STPG2: variants seen among roughly 807,000 people sequenced by gnomAD.
STPG2 encodes sperm tail PG-rich repeat containing 2.
Under a neutral mutation model 54.2 loss-of-function variants are expected in STPG2, and 56 were observed. That is an observed-to-expected ratio of 1.03 (90% CI 0.83 to 1.29). STPG2 has a LOEUF of 1.29. STPG2 is among the 50% of genes most tolerant of loss of function. The pLI, the probability that STPG2 is intolerant of heterozygous loss-of-function variation, is 0.00. For synonymous variants in STPG2, 200 were observed against 181.8 expected (o/e 1.10, Z -0.81); for missense variants, 596 against 544.9 (o/e 1.09, Z -0.93).
At chr4:97,799,854 C>G (rs1453276965) in intron 9 of STPG2, among the ~76,000 whole-genome samples, 3 of 152,198 alleles carry the variant, frequency 2.0e-5, no homozygotes, top group Admixed American at 2.0e-4. Flanking sequence ...TCACATAGTC[C>G]CATATTTCTT....
intron 10 of STPG2, among the ~76,000 whole-genome samples, chr4:97,642,808 T>G (rs916024587): frequency 2.6e-5 from 4 of 151,380 alleles, no homozygotes; most frequent in Non-Finnish European, 4.4e-5. Context: ...TCTTACACGT[T>G]TATATGTTAG....
chr4:97,904,303 A>G (rs1268217058), intron 8 of STPG2, among the ~76,000 whole-genome samples: 1 of 152,158 alleles, frequency 6.6e-6, no homozygotes, highest in Non-Finnish European at 1.5e-5. Context: ...CTGACCCCCG[A>G]GCAGCCTAAC....
At chr4:97,759,308 A>G (rs1725821465) in intron 9 of STPG2, among the ~76,000 whole-genome samples, 1 of 149,850 alleles carries the variant, frequency 6.7e-6, no homozygotes, top group African/African-American at 2.4e-5. Context: ...CAGGGCTCAG[A>G]AAAAAAAATA....
At chr4:98,096,957 T>A (rs1193230921) in intron 5 of STPG2, among the ~76,000 whole-genome samples, 1 of 151,968 alleles carries the variant, frequency 6.6e-6, no homozygotes, top group Non-Finnish European at 1.5e-5. Context: ...ACAGAACAAG[T>A]AATAAGATCA....
intron 4 of STPG2, among the ~76,000 whole-genome samples, chr4:97,500,009 A>G (rs1358432643): frequency 2.0e-5 from 3 of 152,056 alleles, no homozygotes; most frequent in Non-Finnish European, 4.4e-5. Context: ...TTTCAAACAC[A>G]GGATACTCTT....
intron 10 of STPG2, among the ~76,000 whole-genome samples, chr4:97,597,422 T>A (rs961850738): frequency 2.6e-5 from 4 of 152,054 alleles, no homozygotes; most frequent in African/African-American, 9.7e-5. Context: ...GCCAGCATCA[T>A]CCTGATACCA....
intron 3 of STPG2, among the ~76,000 whole-genome samples, chr4:98,113,895 T>C (rs1431954982): frequency 6.6e-6 from 1 of 151,892 alleles, no homozygotes. Flanking sequence ...TCCAAAGGCA[T>C]TGGGTTTGGT....
chr4:97,443,660 C>G lies in STPG2; in HGVS notation c.463-255827G>C, dbSNP rs149461272. ...TGTGAAACTCAGTTCTGGACAGGCA[C>G]AATCCCACACTGGAAAAGTAGGTCT... is the stretch of plus-strand genomic sequence containing the variant. On this transcript the variant is annotated intron_variant, in intron 4 of 4. Coordinates refer to the STPG2 transcript ENST00000522676. 4.2e-3 allele frequency among the ~76,000 whole-genome samples: 641 copies of G among 152,164 alleles called. 3 individuals carry two copies. The highest frequency in any genetic ancestry group is 0.02 in the South Asian group (98 of 4,828).
intron 9 of STPG2, among the ~76,000 whole-genome samples, chr4:97,732,105 G>C (rs1228063618): frequency 6.6e-6 from 1 of 152,166 alleles, no homozygotes; most frequent in Non-Finnish European, 1.5e-5. Context: ...CCTGCAGTTA[G>C]TAGGGGCCAG....
intron 4 of STPG2, among the ~76,000 whole-genome samples, chr4:97,487,858 G>A (rs1447508136): frequency 6.6e-6 from 1 of 151,242 alleles, no homozygotes; most frequent in African/African-American, 2.4e-5. Context: ...CAATTTATAG[G>A]AAAGTTTTTT....
chr4:98,047,213 T>C (rs1330961500), intron 5 of STPG2, among the ~76,000 whole-genome samples: 4 of 152,182 alleles, frequency 2.6e-5, no homozygotes, highest in Non-Finnish European at 4.4e-5. Flanking sequence ...GTGATTCAAG[T>C]AGCCAGCCCC....
At chr4:97,798,292 T>A (rs1419196438) in intron 9 of STPG2, among the ~76,000 whole-genome samples, 1 of 152,214 alleles carries the variant, frequency 6.6e-6, no homozygotes, top group Non-Finnish European at 1.5e-5. Context: ...CAATTTTAGA[T>A]CTTTCCTACT....
chr4:98,060,350 CA>C (rs1199160422), intron 5 of STPG2, among the ~76,000 whole-genome samples: 2 of 152,100 alleles, frequency 1.3e-5, no homozygotes, highest in Non-Finnish European at 2.9e-5. Flanking sequence ...CCTAGGAATA[CA>C]GCTAACCAGG....
chr4:97,454,594 C>A (rs186572883), intron 4 of STPG2, among the ~76,000 whole-genome samples: 2 of 106,264 alleles, frequency 1.9e-5, no homozygotes, highest in East Asian at 3.5e-4. Context: ...CTGGAATAAT[C>A]AGTTTTGTAT....
intron 8 of STPG2, among the ~76,000 whole-genome samples, chr4:97,891,528 T>A (rs899658725): frequency 2.0e-5 from 3 of 152,090 alleles, no homozygotes; most frequent in African/African-American, 7.2e-5. Flanking sequence ...GAACAATTGA[T>A]AAATAAATAG....
At chr4:97,674,116 C>A (rs1722773526) in intron 10 of STPG2, among the ~76,000 whole-genome samples, 1 of 152,144 alleles carries the variant, frequency 6.6e-6, no homozygotes, top group Non-Finnish European at 1.5e-5. Flanking sequence ...ATCTTCTCTA[C>A]TACTTACCAT....
intron 10 of STPG2, among the ~76,000 whole-genome samples, chr4:97,632,454 T>G (rs1385162005): frequency 2.6e-5 from 4 of 152,122 alleles, no homozygotes; most frequent in Non-Finnish European, 5.9e-5. Context: ...CACTATTTAC[T>G]CATAATGTGA....
chr4:97,972,503 G>A lies in STPG2; in HGVS notation c.773-63C>T, dbSNP rs371252897. 235 of 983,080 alleles carry A rather than the reference G, an allele frequency of 2.4e-4. No individual in the cohort carries two copies. In the African/African-American group the frequency reaches 3.2e-3, roughly 13 times the overall value. The allele number at this position is 983,080 out of a possible 1,614,324, so 60.9% of individuals were successfully genotyped here. ...TGCTTTTATATGCACCTTTTGAACT[G>A]AGTAATTTTTAATTAAGGGTTTTTT... is the stretch of plus-strand genomic sequence containing the variant. On this transcript the variant is annotated intron_variant, in intron 6 of 10. Coordinates refer to ENST00000295268, the MANE Select transcript of STPG2 (RefSeq NM_174952.3).
At chr4:97,569,724 A>C (rs1428668915) in intron 10 of STPG2, among the ~76,000 whole-genome samples, 3 of 152,260 alleles carry the variant, frequency 2.0e-5, no homozygotes, top group Non-Finnish European at 2.9e-5. Flanking sequence ...CATTATATTA[A>C]GGATTGGAGT....
Sources: allele counts gnomAD v4.1 joint callset (sites outside exome capture counted in the v4.1 genomes callset), GRCh38; gene constraint gnomAD v4.1.1; transcripts MANE v1.5; gene names NCBI Gene and HGNC (gene_info 2026-07-23, HGNC 2026-07-21).